The following ADD3 variants were observed in gnomAD, a reference collection of about 807,000 sequenced individuals.
ADD3 encodes the protein adducin 3, also known as gamma-adducin.
Under a neutral mutation model 80.2 loss-of-function variants are expected in ADD3, and 25 were observed. The ratio of observed to expected loss-of-function variants is 0.31; its 90% confidence interval spans 0.23 to 0.44. ADD3 has a LOEUF of 0.44. Ranked by LOEUF, ADD3 falls within the 20% of genes least tolerant of loss-of-function variation. The probability of loss-of-function intolerance (pLI) is 1.00; values close to 1 mark genes in which losing one functional copy is unlikely to be tolerated. For synonymous variants in ADD3, 284 were observed against 289.6 expected, an observed-to-expected ratio of 0.98 and a Z score of 0.20; for missense variants, 829 against 847.5, an observed-to-expected ratio of 0.98 and a Z score of 0.27.
intron 2 of ADD3, chr10:110,112,267 T>TGC: frequency 6.5e-6 from 1 of 152,884 alleles, no homozygotes; most frequent in Non-Finnish European, 1.5e-5. Flanking sequence ...ATTACAGGCA[T>TGC]GCACCACCAC....
chr10:110,021,184 T>C (rs1262518466), intron 1 of ADD3, among the ~76,000 whole-genome samples: 2 of 152,348 alleles, frequency 1.3e-5, no homozygotes, highest in Middle Eastern at 3.4e-3. Flanking sequence ...TTTTAACTGC[T>C]AAGGACACTT....
At chr10:110,056,658 C>CT (rs2133452262) in intron 1 of ADD3, among the ~76,000 whole-genome samples, 1 of 152,142 alleles carries the variant, frequency 6.6e-6, no homozygotes, top group African/African-American at 2.4e-5. Context: ...TTAATTTGCT[C>CT]TAAGAGTTAA....
intron 1 of ADD3, among the ~76,000 whole-genome samples, chr10:110,081,444 A>T (rs191089138): frequency 2.0e-3 from 298 of 152,118 alleles, no homozygotes; most frequent in African/African-American, 6.4e-3. Flanking sequence ...CTTGGCAAAA[A>T]ATATATATAT....
At chr10:110,002,655 T>C (rs1212161021), upstream of ADD3, among the ~76,000 whole-genome samples, 1 of 152,152 alleles carries the variant, frequency 6.6e-6, no homozygotes, top group East Asian at 1.9e-4. Context: ...GAGTTTCTTA[T>C]TTGTAGCAGT....
At chr10:110,036,921 C>G (rs1855733485) in intron 1 of ADD3, among the ~76,000 whole-genome samples, 1 of 152,060 alleles carries the variant, frequency 6.6e-6, no homozygotes, top group Non-Finnish European at 1.5e-5. Context: ...ACTGCTTTAG[C>G]CACAAAAAAT....
chr10:110,004,893 C>T (rs1430293181), upstream of ADD3, among the ~76,000 whole-genome samples: 1 of 152,084 alleles, frequency 6.6e-6, no homozygotes, highest in Admixed American at 6.5e-5. Context: ...GGACACGACA[C>T]ATTTTAATAG....
At chr10:110,054,135 C>T (rs574580120) in intron 1 of ADD3, among the ~76,000 whole-genome samples, 16 of 152,120 alleles carry the variant, frequency 1.1e-4, no homozygotes, top group South Asian at 2.1e-4. Context: ...AATAAAGTTT[C>T]GTTTATATAT....
chr10:110,055,709 T>C (rs1858102773), intron 1 of ADD3, among the ~76,000 whole-genome samples: 1 of 152,204 alleles, frequency 6.6e-6, no homozygotes, highest in South Asian at 2.1e-4. Flanking sequence ...AGTAAATCCC[T>C]TAACTTGTCT....
chr10:110,116,974 G>A (rs567207706), intron 4 of ADD3, among the ~76,000 whole-genome samples: 5 of 152,098 alleles, frequency 3.3e-5, no homozygotes, highest in Non-Finnish European at 7.4e-5. Flanking sequence ...AAGAGATTTT[G>A]TTCTCTTTCC....
At chr10:110,012,999 A>G (rs1026584579) in intron 1 of ADD3, among the ~76,000 whole-genome samples, 8 of 152,206 alleles carry the variant, frequency 5.3e-5, no homozygotes, top group South Asian at 2.1e-4. Flanking sequence ...TTTTCTTTCA[A>G]TGAAAATGGG....
chr10:110,019,479 C>G lies in ADD3; in HGVS notation c.-30+11180C>G, dbSNP rs367953722. Among the ~76,000 whole-genome samples, 58 of 151,982 alleles carry G rather than the reference C, an allele frequency of 3.8e-4. 1 individual carries two copies. The East Asian group carries it at 0.01, about 27-fold the overall frequency. On this transcript the variant is annotated intron_variant, in intron 1 of 14. Transcript: ENST00000356080. ...ACTCCATTCTCCTGCCTCAGCCTCC[C>G]GAGTAGCTGGGACTACAGGCACCCG...
chr10:110,005,795 C>T (rs559213409), upstream of ADD3: 3 of 152,868 alleles, frequency 2.0e-5, no homozygotes, highest in Non-Finnish European at 4.4e-5. Context: ...CAGCTGTACT[C>T]ATTTACTCAG....
chr10:110,127,720 T>C (rs1379024192), intron 12 of ADD3, among the ~76,000 whole-genome samples: 2 of 152,210 alleles, frequency 1.3e-5, no homozygotes, highest in Non-Finnish European at 2.9e-5. Flanking sequence ...GATCCAAATC[T>C]AAATTGGTTG....
At chr10:110,128,161 A>G (rs1218211706) in intron 12 of ADD3, among the ~76,000 whole-genome samples, 2 of 150,214 alleles carry the variant, frequency 1.3e-5, no homozygotes, top group Non-Finnish European at 3.0e-5. Flanking sequence ...GTAATTAGTA[A>G]CCCTTTTCAA....
chr10:110,079,810 G>A (rs912638546), intron 1 of ADD3, among the ~76,000 whole-genome samples: 1 of 152,056 alleles, frequency 6.6e-6, no homozygotes, highest in African/African-American at 2.4e-5. Flanking sequence ...CAAAGTGCTG[G>A]GATTGCAGGC....
At chr10:110,009,206 C>T (rs1282851598) in intron 1 of ADD3, among the ~76,000 whole-genome samples, 1 of 152,092 alleles carries the variant, frequency 6.6e-6, no homozygotes, top group African/African-American at 2.4e-5. Flanking sequence ...AGCCAAGAGG[C>T]TTTGAGGGAG....
At chr10:110,093,537 TGTCAGGTAAAGA>T (rs1334440651) in intron 1 of ADD3, among the ~76,000 whole-genome samples, 2 of 152,230 alleles carry the variant, frequency 1.3e-5, no homozygotes, top group Non-Finnish European at 2.9e-5. Context: ...AGTGGTCATC[TGTCAGGTAAAGA>T]GTTAAGACTT....
intron 8 of ADD3, among the ~76,000 whole-genome samples, chr10:110,120,065 TTTTC>T (rs1851264309): frequency 7.0e-6 from 1 of 143,370 alleles, no homozygotes. Flanking sequence ...CTAATTTTCT[TTTTC>T]TTTTTCTTTT....
chr10:110,008,596 C>T (rs111247100), intron 1 of ADD3, among the ~76,000 whole-genome samples: 1 of 152,282 alleles, frequency 6.6e-6, no homozygotes, highest in East Asian at 1.9e-4. Context: ...ACGCTTCGCG[C>T]GTCTGCTGGT....
Sources: allele counts gnomAD v4.1 joint callset (sites outside exome capture counted in the v4.1 genomes callset), GRCh38; gene constraint gnomAD v4.1.1; transcripts MANE v1.5; gene names NCBI Gene and HGNC (gene_info 2026-07-23, HGNC 2026-07-21).